Variants in NECAP2 observed in about 807,000 individuals in gnomAD.
The protein encoded by NECAP2 is adaptin ear-binding coat-associated protein 2.
Under a neutral mutation model 37.8 loss-of-function variants are expected in NECAP2, and 38 were observed. That is an observed-to-expected ratio of 1.01 (90% confidence interval 0.78 to 1.32). The LOEUF (loss-of-function observed/expected upper bound fraction) is 1.32, where lower values mean the gene tolerates loss of function less well. NECAP2 is among the 40% of genes most tolerant of loss of function. The pLI is 0.00. For missense variants in NECAP2, 316 were observed against 334.5 expected (o/e 0.94, Z 0.43); for synonymous variants, 121 against 127.7 (o/e 0.95, Z 0.35).
intron 4 of NECAP2, among the ~76,000 whole-genome samples, chr1:16,448,837 C>G (rs971916991): frequency 6.6e-6 from 1 of 152,158 alleles, no homozygotes; most frequent in African/African-American, 2.4e-5. Context: ...GATCTCGCTG[C>G]ATTCGTAGCC....
chr1:16,453,148 T>G (rs2086870990), intron 6 of NECAP2, among the ~76,000 whole-genome samples: 1 of 151,986 alleles, frequency 6.6e-6, no homozygotes, highest in Admixed American at 6.6e-5. Context: ...TTGCTCTTGT[T>G]GCCTAGGCTG....
intron 1 of NECAP2, among the ~76,000 whole-genome samples, chr1:16,442,457 C>T (rs184788863): frequency 3.3e-5 from 5 of 152,316 alleles, no homozygotes; most frequent in Admixed American, 3.3e-4. Context: ...ACTGAGTCTG[C>T]TGATTTGTGA....
Position 16,451,932 on chromosome 1 carries a change from A to C in NECAP2, c.584A>C (p.Lys195Thr), listed in dbSNP as rs748167101. The stretch of plus-strand genomic sequence containing the variant: ...CTGCTTCCCCCTCCCCCAGGGGGGA[A>C]AACCTCCACCCTGATCCCTCCCCCT... Reference protein sequence around the residue: ...LSLLPPPPGGKTSTLIPPPGE... With the variant: ...LSLLPPPPGGTTSTLIPPPGE... The change falls in exon 6 of 8, where the codon AAA (lysine) becomes ACA (threonine). Residue 195 changes from lysine to threonine, a missense_variant. Lys to Thr is a moderately conservative substitution (Grantham distance 78). This residue lies in a region of NECAP2 where 204 missense variants were observed against 188.6 expected (regional missense o/e 1.08). Coordinates refer to ENST00000337132, the MANE Select transcript of NECAP2 (RefSeq NM_018090.5). 55 of 1,613,790 alleles carry C rather than the reference A, an allele frequency of 3.4e-5. No homozygotes were observed. Among genetic ancestry groups the C allele is most frequent in the Admixed American group, 1.2e-4 (7 of 59,986 alleles).
At chr1:16,443,812 CTGCT>C in intron 2 of NECAP2, 80 bp downstream of exon 2, 1 of 1,130,992 alleles carries the variant, frequency 8.8e-7, no homozygotes, top group Non-Finnish European at 1.3e-6. Flanking sequence ...TCTGGCCAGG[CTGCT>C]CAGGGGTCAT....
intron 6 of NECAP2, among the ~76,000 whole-genome samples, chr1:16,455,300 T>C (rs1397753964): frequency 6.6e-6 from 1 of 152,226 alleles, no homozygotes; most frequent in Non-Finnish European, 1.5e-5. Flanking sequence ...CTCTTTGGAA[T>C]GCTCTTCCTG....
At chr1:16,452,888 T>G (rs2086867165) in intron 6 of NECAP2, among the ~76,000 whole-genome samples, 2 of 152,018 alleles carry the variant, frequency 1.3e-5, no homozygotes, top group South Asian at 4.1e-4. Flanking sequence ...CAGGAAGCCT[T>G]CCTGCTTTAC....
chr1:16,440,773 CG>C lies in NECAP2; in HGVS notation c.15del (p.Tyr6ThrfsTer41). MEESGYESVLCVKPD... is the reference protein window; with the variant it reads MEESXYESVLCVKPD... ...CTCCAGGCGTCGCGATGGAGGAGAG[CG>C]GGTACGAGTCGGTGCTCTGTGTCAA... On this transcript the variant is annotated frameshift_variant, in exon 1 of 8. Coordinates refer to ENST00000337132, the MANE Select transcript of NECAP2 (RefSeq NM_018090.5). LOFTEE classifies it high-confidence loss of function. 1 of 1,613,978 alleles carries C rather than the reference CG, an allele frequency of 6.2e-7. No homozygotes were observed. Among genetic ancestry groups the C allele is most frequent in the Non-Finnish European group, 8.5e-7 (1 of 1,179,876 alleles).
chr1:16,456,760 G>C (rs1557693490), intron 7 of NECAP2, among the ~76,000 whole-genome samples: 1 of 152,070 alleles, frequency 6.6e-6, no homozygotes, highest in African/African-American at 2.4e-5. Flanking sequence ...TTGAGACAGG[G>C]TCTCTCTCTG....
chr1:16,455,419 G>T, intron 6 of NECAP2: 1 of 197,468 alleles, frequency 5.1e-6, no homozygotes, highest in Non-Finnish European at 1.1e-5. Flanking sequence ...ATGATCTTGC[G>T]GTTTTGGTGG....
chr1:16,448,626 T>G (rs1295980676), intron 4 of NECAP2, among the ~76,000 whole-genome samples: 1 of 152,082 alleles, frequency 6.6e-6, no homozygotes, highest in African/African-American at 2.4e-5. Context: ...CCCTTACCGG[T>G]GCTGCTGGGT....
At chr1:16,447,065 A>G (rs1318010242) in intron 2 of NECAP2, among the ~76,000 whole-genome samples, 17 of 148,492 alleles carry the variant, frequency 1.1e-4, no homozygotes, top group South Asian at 2.1e-4. Flanking sequence ...ATCTCAGGAA[A>G]AAAAAAAAAA....
At chr1:16,443,807 C>A in intron 2 of NECAP2, 75 bp downstream of exon 2, 2 of 1,201,062 alleles carry the variant, frequency 1.7e-6, no homozygotes, top group South Asian at 1.3e-5. Flanking sequence ...CCTGGTCTGG[C>A]CAGGCTGCTC....
intron 2 of NECAP2, 151 bp downstream of exon 2, chr1:16,443,883 C>G (rs887504313): frequency 3.9e-5 from 25 of 637,214 alleles, no homozygotes; most frequent in Non-Finnish European, 6.9e-5. Flanking sequence ...GTACCATTCC[C>G]CCACCTTAGT....
intron 7 of NECAP2, 79 bp from the exon 8 acceptor site, chr1:16,458,763 C>T: frequency 3.3e-6 from 5 of 1,507,632 alleles, no homozygotes; most frequent in East Asian, 4.5e-5. Context: ...TTTTTCTGTC[C>T]AGAGAGAAAC....
intron 7 of NECAP2, among the ~76,000 whole-genome samples, chr1:16,458,506 G>A (rs552165758): frequency 1.1e-4 from 16 of 152,016 alleles, no homozygotes; most frequent in African/African-American, 2.2e-4. Flanking sequence ...TAGGAGGATC[G>A]CTTGAGCTCA....
chr1:16,448,345 C>A (rs2086793368), intron 4 of NECAP2: 2 of 606,170 alleles, frequency 3.3e-6, no homozygotes, highest in Non-Finnish European at 5.9e-6. Flanking sequence ...CTCATCTCTA[C>A]CATCCCAGCC....
intron 2 of NECAP2, among the ~76,000 whole-genome samples, chr1:16,445,694 A>G (rs1034412061): frequency 2.6e-5 from 4 of 152,296 alleles, no homozygotes; most frequent in Middle Eastern, 3.4e-3. Flanking sequence ...GCTTGAGCCC[A>G]GGAATTCCAG....
chr1:16,456,520 T>TC (rs2100971217), intron 7 of NECAP2, among the ~76,000 whole-genome samples: 1 of 152,036 alleles, frequency 6.6e-6, no homozygotes, highest in South Asian at 2.1e-4. Flanking sequence ...CTATACCCCA[T>TC]CCCCCACCTT....
chr1:16,449,623 C>A, intron 5 of NECAP2: 1 of 181,198 alleles, frequency 5.5e-6, no homozygotes, highest in Non-Finnish European at 1.2e-5. Context: ...CAGTCATTTG[C>A]TGCCAGAGGT....
Sources: allele counts gnomAD v4.1 joint callset (sites outside exome capture counted in the v4.1 genomes callset), GRCh38; gene constraint gnomAD v4.1.1; regional missense constraint gnomAD v4.1.1; transcripts MANE v1.5; gene names NCBI Gene and HGNC (gene_info 2026-07-23, HGNC 2026-07-21).